Variants in CPXM2 observed in about 807,000 individuals in gnomAD.
CPXM2 encodes inactive carboxypeptidase-like protein X2.
CPXM2 carries 66 observed loss-of-function variants against 86.1 expected under a neutral mutation model. The ratio of observed to expected loss-of-function variants is 0.77; its 90% CI spans 0.63 to 0.94. The LOEUF (loss-of-function observed/expected upper bound fraction) is 0.94. CPXM2 is among the 40% of genes least tolerant of loss of function. The pLI is 0.00. For synonymous variants in CPXM2, 388 were observed against 400.2 expected (o/e 0.97, Z 0.36); for missense variants, 948 against 1,026.3 (o/e 0.92, Z 1.04).
intron 4 of CPXM2, among the ~76,000 whole-genome samples, chr10:123,828,988 T>C (rs1241963659): frequency 6.6e-6 from 1 of 152,176 alleles, no homozygotes; most frequent in Non-Finnish European, 1.5e-5. Flanking sequence ...AAAAGACATA[T>C]ATCAAAAATC....
intron 3 of CPXM2, among the ~76,000 whole-genome samples, chr10:123,858,766 C>T (rs1848794944): frequency 6.6e-6 from 1 of 152,248 alleles, no homozygotes; most frequent in African/African-American, 2.4e-5. Context: ...GGCAGAGAAT[C>T]CCTAGGGCTT....
chr10:123,920,049 C>T (rs1296695921), intron 2 of CPXM2, among the ~76,000 whole-genome samples: 3 of 152,164 alleles, frequency 2.0e-5, no homozygotes, highest in African/African-American at 7.2e-5. Flanking sequence ...TCACACCATG[C>T]CCCTTTTCCA....
chr10:123,939,819 G>A (rs1234613877), intron 1 of CPXM2, among the ~76,000 whole-genome samples: 2 of 152,214 alleles, frequency 1.3e-5, no homozygotes, highest in Admixed American at 6.5e-5. Flanking sequence ...CACCCCAGAT[G>A]TGCCTGATCA....
chr10:123,746,866 C>A lies in CPXM2; in HGVS notation c.2169G>T (p.Met723Ile), dbSNP rs779261757. 22 of 1,614,070 alleles carry A rather than the reference C, an allele frequency of 1.4e-5. No individual in the cohort carries two copies. The African/African-American group carries it at 2.4e-4, about 18-fold the overall frequency. ...TCTCCATGATCTCTCGGATCCTGGC[C>A]ATGTTGGTTTTGCTAAGTGTGAAGT... Reference protein sequence around the residue: ...RCDFTLSKTNMARIREIMEKF... With the variant: ...RCDFTLSKTNIARIREIMEKF... The change falls in exon 14 of 14, where the codon ATG becomes ATT. Residue 723 changes from methionine (M) to isoleucine (I), a missense_variant. Coordinates refer to ENST00000241305, the MANE Select transcript of CPXM2 (RefSeq NM_198148.3).
upstream of CPXM2, among the ~76,000 whole-genome samples, chr10:123,941,857 G>A (rs893710033): frequency 2.6e-5 from 4 of 152,218 alleles, no homozygotes; most frequent in Non-Finnish European, 5.9e-5. Context: ...TCTGAGATGC[G>A]GATGAAGCAG....
At chr10:123,779,789 T>C (rs903246714) in intron 7 of CPXM2, among the ~76,000 whole-genome samples, 1 of 152,204 alleles carries the variant, frequency 6.6e-6, no homozygotes, top group African/African-American at 2.4e-5. Context: ...TGTAAGTTGA[T>C]CCTATGTGAA....
intron 10 of CPXM2, among the ~76,000 whole-genome samples, chr10:123,763,966 A>G (rs7081890): frequency 0.9 from 136,431 of 152,248 alleles, 61,545 homozygotes; most frequent in Non-Finnish European, 0.95. Context: ...CTACTGTCCC[A>G]TATTCCCTCC....
chr10:123,800,028 GTTTTTTTTTTT>G (rs530876054), intron 4 of CPXM2, among the ~76,000 whole-genome samples: 2 of 109,612 alleles, frequency 1.8e-5, no homozygotes, highest in Non-Finnish European at 3.9e-5. Context: ...TAGTTTTTTG[GTTTTTTTTTTT>G]TTTTTTTTTT....
In CPXM2 at chr10:123,891,320, G is replaced by T. The variant is rs551799629; in HGVS notation, c.304+36C>A. 3 of 1,441,096 alleles carry T rather than the reference G, an allele frequency of 2.1e-6. No individual in the cohort carries two copies. Among genetic ancestry groups the T allele is most frequent in the African/African-American group, 2.9e-5 (2 of 68,020 alleles). The allele number at this position is 1,441,096 out of a possible 1,614,324, so 89.3% of individuals were successfully genotyped here. On this transcript the variant is annotated intron_variant, in intron 1 of 13. Transcript: ENST00000241305. This position sits in a 1 kb window ranked among gnomAD's most constrained non-coding sequence, Gnocchi z 5.6. Reference sequence around the variant, plus strand: ...CCCCTGGAGGCGCGCAACCACCGGCGCCCCCTCGGGCTGCCCAGCGCAGAA... The same window carrying T: ...CCCCTGGAGGCGCGCAACCACCGGCTCCCCCTCGGGCTGCCCAGCGCAGAA...
chr10:123,814,157 A>C (rs1191407912), intron 4 of CPXM2, among the ~76,000 whole-genome samples: 2 of 152,190 alleles, frequency 1.3e-5, no homozygotes, highest in African/African-American at 2.4e-5. Flanking sequence ...AAGGATGCAA[A>C]GTATTGAACC....
rs762435610 is a variant in CPXM2, at chr10:123,761,933, C to T, written c.1716G>A (p.Thr572=). The change falls in exon 11 of 14, where the codon ACG becomes ACA. Residue 572 remains threonine, a synonymous_variant. Coordinates refer to ENST00000241305, the MANE Select transcript of CPXM2 (RefSeq NM_198148.3). ...TGCCCTCCTCCTTCTGGAAGTCCTCCGTGTGGCACACCCTCCTCCGGGCGT... is the reference window on the plus strand; with the variant it reads ...TGCCCTCCTCCTTCTGGAAGTCCTCTGTGTGGCACACCCTCCTCCGGGCGT... ...MTDARRRVCH[T]EDFQKEEGTV... 1.9e-5 allele frequency: 31 copies of T among 1,613,746 alleles called. No homozygotes were observed. The highest frequency in any genetic ancestry group is 9.9e-5 in the South Asian group (9 of 91,048).
At chr10:123,830,870 C>CTGTGTGTGTGTGTG (rs1431527812) in intron 4 of CPXM2, among the ~76,000 whole-genome samples, 112 of 102,676 alleles carry the variant, frequency 1.1e-3, no homozygotes, top group East Asian at 6.4e-3. Flanking sequence ...CTCTCTCTCT[C>CTGTGTGTGTGTGTG]TCTGTGTGTG....
chr10:123,804,180 GTA>G (rs1189871918), intron 4 of CPXM2, among the ~76,000 whole-genome samples: 4 of 152,124 alleles, frequency 2.6e-5, no homozygotes, highest in Admixed American at 6.6e-5. Context: ...ATATCTGATA[GTA>G]TATGTTTTCT....
At chr10:123,818,720 T>C (rs959854552) in intron 4 of CPXM2, among the ~76,000 whole-genome samples, 6 of 152,094 alleles carry the variant, frequency 3.9e-5, no homozygotes, top group African/African-American at 1.2e-4. Flanking sequence ...CCTGAAGCAG[T>C]TGGATTGATA....
At chr10:123,866,126 C>T (rs1019412451) in intron 2 of CPXM2, among the ~76,000 whole-genome samples, 2 of 152,144 alleles carry the variant, frequency 1.3e-5, no homozygotes, top group African/African-American at 2.4e-5. Flanking sequence ...TTCCTGGCTG[C>T]AGCACGGGCT....
chr10:123,799,048 T>C lies in CPXM2; in HGVS notation c.738+67A>G. On this transcript the variant is annotated intron_variant, in intron 5 of 13. Coordinates refer to ENST00000241305, the MANE Select transcript of CPXM2 (RefSeq NM_198148.3). ...AATCTCCAAAGAGTTGATCATACATTGCCTCTCTTTGCAAAACCCCACCCA... is the reference window on the plus strand; with the variant it reads ...AATCTCCAAAGAGTTGATCATACATCGCCTCTCTTTGCAAAACCCCACCCA... The C allele has an allele frequency of 5.2e-6, 8 of 1,550,732 alleles. No homozygotes were observed. In the Admixed American group the frequency reaches 1.3e-4, roughly 26 times the overall value.
At chr10:123,922,926 G>A (rs992800787) in intron 2 of CPXM2, among the ~76,000 whole-genome samples, 5 of 152,190 alleles carry the variant, frequency 3.3e-5, no homozygotes, top group Admixed American at 6.5e-5. Context: ...GGGAAAAGTC[G>A]CTGTCAACAC....
rs183164873 is a variant in CPXM2, at chr10:123,755,317, C to A, written c.1918-555G>T. ...AGGTTATTTTGCATTTCAAAAAGGG[C>A]TAAGTGGGAAGCAGGGGAAAGGAGA... On this transcript the variant is annotated intron_variant, in intron 12 of 13. Coordinates refer to ENST00000241305, the MANE Select transcript of CPXM2 (RefSeq NM_198148.3). Among the ~76,000 whole-genome samples the A allele has an allele frequency of 2.9e-3, 443 of 152,100 alleles. 3 individuals are homozygous for A. The highest frequency in any genetic ancestry group is 5.6e-3 in the Admixed American group (86 of 15,286).
chr10:123,824,221 T>C (rs578086308), intron 4 of CPXM2, among the ~76,000 whole-genome samples: 1 of 152,334 alleles, frequency 6.6e-6, no homozygotes, highest in South Asian at 2.1e-4. Flanking sequence ...TACTTTCCAT[T>C]GCCTGGCTTG....
Sources: allele counts gnomAD v4.1 joint callset (sites outside exome capture counted in the v4.1 genomes callset), GRCh38; gene constraint gnomAD v4.1.1; non-coding constraint Gnocchi (gnomAD v3.1); transcripts MANE v1.5; gene names NCBI Gene and HGNC (gene_info 2026-07-23, HGNC 2026-07-21).